EBF3: variants seen among roughly 807,000 people sequenced by gnomAD.
EBF3 encodes transcription factor COE3.
In EBF3, 18 loss-of-function variants were observed where a neutral mutation model predicts 77.1. That is an observed-to-expected ratio of 0.23 (90% CI 0.16 to 0.35). The LOEUF is 0.35. Ranked by LOEUF, EBF3 falls within the 10% of genes least tolerant of loss-of-function variation. EBF3 has a pLI of 1.00. For synonymous variants in EBF3, 350 were observed against 343.5 expected, an observed-to-expected ratio of 1.02 and a Z score of -0.21; for missense variants, 558 against 860.0, an observed-to-expected ratio of 0.65 and a Z score of 4.39.
intron 6 of EBF3, among the ~76,000 whole-genome samples, chr10:129,914,824 C>T (rs1029094972): frequency 6.6e-5 from 10 of 152,304 alleles, no homozygotes; most frequent in Non-Finnish European, 1.0e-4. Flanking sequence ...CTGCACCCAA[C>T]GGGTGTCATG....
intron 6 of EBF3, among the ~76,000 whole-genome samples, chr10:129,926,163 C>CCATT (rs540508874): frequency 6.3e-4 from 96 of 152,284 alleles, no homozygotes; most frequent in Middle Eastern, 3.4e-3. Context: ...TGTGTCGCAG[C>CCATT]CATTCATTCA....
At chr10:129,903,289 T>C (rs771595867) in intron 6 of EBF3, among the ~76,000 whole-genome samples, 7 of 152,220 alleles carry the variant, frequency 4.6e-5, no homozygotes, top group Non-Finnish European at 7.3e-5. Flanking sequence ...AGTAATATTA[T>C]TTTCTTTATA....
chr10:129,879,941 C>T lies in EBF3; in HGVS notation c.555-2092G>A, dbSNP rs1564850931. Among the ~76,000 whole-genome samples the T allele has an allele frequency of 1.3e-5, 2 of 152,146 alleles. No homozygotes were observed. The highest frequency in any genetic ancestry group is 6.5e-5 in the Admixed American group (1 of 15,280). On this transcript the variant is annotated intron_variant, in intron 6 of 16. Coordinates refer to ENST00000440978, the MANE Select transcript of EBF3 (RefSeq NM_001375380.1). This position sits in a 1 kb window ranked among gnomAD's most constrained non-coding sequence, Gnocchi z 4.7. ...CCCAGCTAATCTTCGGAGCAGGCGC[C>T]GGCCCGAGAAGCTGCTCATCTGCAA...
chr10:129,949,254 T>TC (rs1858477463), intron 6 of EBF3, among the ~76,000 whole-genome samples: 1 of 152,128 alleles, frequency 6.6e-6, no homozygotes, highest in Non-Finnish European at 1.5e-5. Flanking sequence ...TGAGCCGAGA[T>TC]CGTGCCATTG....
intron 6 of EBF3, among the ~76,000 whole-genome samples, chr10:129,915,709 G>A (rs557762405): frequency 2.1e-4 from 32 of 152,244 alleles, no homozygotes; most frequent in Admixed American, 1.9e-3. Context: ...ATCCAAATAC[G>A]AACACATTCC....
intron 6 of EBF3, among the ~76,000 whole-genome samples, chr10:129,889,665 A>G (rs1418865133): frequency 6.6e-6 from 1 of 152,180 alleles, no homozygotes; most frequent in Non-Finnish European, 1.5e-5. Flanking sequence ...TCTAATGACC[A>G]GATATCCTCA....
At chr10:129,925,990 C>A (rs148233824) in intron 6 of EBF3, among the ~76,000 whole-genome samples, 82 of 152,270 alleles carry the variant, frequency 5.4e-4, no homozygotes, top group Non-Finnish European at 1.0e-3. Context: ...AGCCCTGATA[C>A]CTTTAGAGCA....
In EBF3 at chr10:129,963,249, G is replaced by A. The variant is rs1423872106; in HGVS notation, c.291+118C>T. 7.1e-7 allele frequency: 1 copy of A among 1,404,478 alleles called. No homozygotes were observed. Among genetic ancestry groups the A allele is most frequent in the East Asian group, 2.7e-5 (1 of 36,628 alleles). 87.0% of individuals were successfully genotyped at this position (1,404,478 alleles called of 1,614,324 possible). On this transcript the variant is annotated intron_variant, in intron 2 of 16. Transcript: ENST00000440978. This position sits in a 1 kb window ranked among gnomAD's most constrained non-coding sequence, Gnocchi z 7.1. Reference sequence around the variant, plus strand: ...CGGGCGGCCGCACGTGGCGGCGGCGGGGTGGCCTGGCGGAGCCGAGCCCGC... The same window carrying A: ...CGGGCGGCCGCACGTGGCGGCGGCGAGGTGGCCTGGCGGAGCCGAGCCCGC...
chr10:129,959,385 C>T (rs960095836), intron 4 of EBF3, among the ~76,000 whole-genome samples: 17 of 152,018 alleles, frequency 1.1e-4, no homozygotes, highest in Admixed American at 4.6e-4. Context: ...GCCCCTTCGG[C>T]ATTCCGCGCC....
At chr10:129,854,828 T>C (rs1851134240) in intron 10 of EBF3, among the ~76,000 whole-genome samples, 1 of 152,218 alleles carries the variant, frequency 6.6e-6, no homozygotes, top group African/African-American at 2.4e-5. Context: ...GAGCCAGGCA[T>C]TGTGGTGTGC....
chr10:129,929,613 C>T (rs1225500094), intron 6 of EBF3, among the ~76,000 whole-genome samples: 1 of 152,178 alleles, frequency 6.6e-6, no homozygotes, highest in Non-Finnish European at 1.5e-5. Context: ...ATCAGTAATG[C>T]GTCTGGATGG....
intron 8 of EBF3, among the ~76,000 whole-genome samples, chr10:129,869,899 G>A (rs1451563299): frequency 6.6e-6 from 1 of 152,094 alleles, no homozygotes; most frequent in Non-Finnish European, 1.5e-5. Flanking sequence ...ATTGCATGGA[G>A]AGCATTTGAA....
At chr10:129,867,986 G>A (rs1460692588) in intron 8 of EBF3, 74 bp from the exon 9 acceptor site, 9 of 1,566,496 alleles carry the variant, frequency 5.7e-6, no homozygotes, top group African/African-American at 2.7e-5. Flanking sequence ...CGGCCACCGC[G>A]CGTCCCGCGG....
intron 11 of EBF3, among the ~76,000 whole-genome samples, chr10:129,846,794 G>A (rs1488901519): frequency 6.6e-6 from 1 of 152,178 alleles, no homozygotes; most frequent in East Asian, 1.9e-4. Flanking sequence ...TGAACAATAC[G>A]TTTTCACCTG....
chr10:129,957,469 G>T, intron 5 of EBF3, 143 bp from the exon 6 acceptor site: 1 of 642,654 alleles, frequency 1.6e-6, no homozygotes, highest in Non-Finnish European at 2.7e-6. Context: ...AACCCAGTGA[G>T]TTCACGTGTT....
rs769018515 is a variant in EBF3, at chr10:129,963,406, A to T, written c.252T>A (p.Ile84=). The T allele has an allele frequency of 5.0e-6, 8 of 1,591,740 alleles. No homozygotes were observed. The highest frequency in any genetic ancestry group is 6.8e-6 in the Non-Finnish European group (8 of 1,169,104). Residue 84 remains isoleucine, a synonymous_variant, in exon 2 of 17, where the codon ATT becomes ATA. Transcript: ENST00000440978. The surrounding 1 kb of genome is among the most constrained non-coding windows in gnomAD (Gnocchi z 7.1). ...CAAAGTCCACAAAAGCGGTCCTTTC[A>T]ATCTCCACCGGCTGCCCCTGCCTAT... ...LYDRQGQPVE[I]ERTAFVDFVE... is the part of the protein sequence containing the mutation.
rs1239404163 is a variant in EBF3, at chr10:129,963,814, T to G, written c.-46A>C. The stretch of plus-strand genomic sequence containing the variant: ...GCAGCTCCCGGCCGAAAGCGTTTCC[T>G]CGAGCAGCGGCGCTCGGGGCTTGGC... On this transcript the variant is annotated 5_prime_UTR_variant, in exon 1 of 17. Transcript: ENST00000440978. The surrounding 1 kb of genome is among the most constrained non-coding windows in gnomAD (Gnocchi z 7.1). 1 of 1,478,554 alleles carries G rather than the reference T, an allele frequency of 6.8e-7. No individual in the cohort carries two copies. 91.6% of individuals were successfully genotyped at this position (1,478,554 alleles called of 1,614,324 possible).
intron 10 of EBF3, among the ~76,000 whole-genome samples, chr10:129,865,370 C>G (rs961776220): frequency 6.6e-6 from 1 of 152,194 alleles, no homozygotes; most frequent in Non-Finnish European, 1.5e-5. Context: ...TTTTAAAACA[C>G]TGGGATTCCA....
chr10:129,900,062 C>T (rs1388823719), intron 6 of EBF3, among the ~76,000 whole-genome samples: 4 of 152,174 alleles, frequency 2.6e-5, no homozygotes, highest in African/African-American at 9.7e-5. Context: ...GATAGCAATT[C>T]AAAGCAACAA....
Sources: allele counts gnomAD v4.1 joint callset (sites outside exome capture counted in the v4.1 genomes callset), GRCh38; gene constraint gnomAD v4.1.1; non-coding constraint Gnocchi (gnomAD v3.1); transcripts MANE v1.5; gene names NCBI Gene and HGNC (gene_info 2026-07-23, HGNC 2026-07-21).